TOP2B: variants seen among roughly 807,000 people sequenced by gnomAD.
The protein encoded by TOP2B is DNA topoisomerase 2-beta.
Under a neutral mutation model 193.5 loss-of-function variants are expected in TOP2B, and 51 were observed. The observed-to-expected ratio is 0.26, with a 90% CI of 0.21 to 0.33. The LOEUF is 0.33. Ranked by LOEUF, TOP2B falls within the 10% of genes least tolerant of loss-of-function variation. TOP2B has a pLI of 1.00. For synonymous variants in TOP2B, 634 were observed against 635.7 expected, an observed-to-expected ratio of 1.00 and a Z score of 0.04; for missense variants, 1,378 against 1,909.3, an observed-to-expected ratio of 0.72 and a Z score of 5.19.
At chr3:25,623,891 A>G in intron 20 of TOP2B, 145 bp from the exon 21 acceptor site, 1 of 640,604 alleles carries the variant, frequency 1.6e-6, no homozygotes, top group Non-Finnish European at 2.7e-6. Context: ...CCGCTTAATA[A>G]TAAAATTTGC....
chr3:25,613,327 T>C (rs937005873), intron 27 of TOP2B, among the ~76,000 whole-genome samples: 2 of 152,194 alleles, frequency 1.3e-5, no homozygotes, highest in Admixed American at 6.5e-5. Flanking sequence ...TCTTTAGAGA[T>C]TTTTTTAAAA....
At chr3:25,604,723 T>C in intron 33 of TOP2B, 37 bp downstream of exon 33, 2 of 1,430,178 alleles carry the variant, frequency 1.4e-6, no homozygotes, top group Non-Finnish European at 2.0e-6. Context: ...TAACTATCTC[T>C]ATCCAATGCT....
intron 34 of TOP2B, among the ~76,000 whole-genome samples, chr3:25,600,069 G>C (rs1702050748): frequency 6.6e-6 from 1 of 152,090 alleles, no homozygotes; most frequent in African/African-American, 2.4e-5. Flanking sequence ...CACCATATGA[G>C]AACCACCAGT....
Position 25,664,604 on chromosome 3 carries a change from C to G in TOP2B, c.-307G>C. On this transcript the variant is annotated 5_prime_UTR_variant, in exon 1 of 36. Transcript: ENST00000264331. ...CGGCGGCGTTGCCTTCTCGCCCGCC[C>G]GCGGGCGCCGCTGCAGGCCGGGCTG... The G allele has an allele frequency of 1.0e-6, 1 of 1,001,218 alleles. No homozygotes were observed. Among genetic ancestry groups the G allele is most frequent in the South Asian group, 4.7e-5 (1 of 21,456 alleles). 62.0% of individuals were successfully genotyped at this position (1,001,218 alleles called of 1,614,324 possible). A position where few individuals can be genotyped will look rare whatever the true frequency, so the allele number is the denominator to read the frequency against.
chr3:25,612,676 C>A lies in TOP2B; in HGVS notation c.3625G>T (p.Ala1209Ser), dbSNP rs762502755. 14 of 1,613,508 alleles carry A rather than the reference C, an allele frequency of 8.7e-6. No individual in the cohort carries two copies. The highest frequency in any genetic ancestry group is 1.7e-4 in the Middle Eastern group (1 of 6,056). ...VESQEREDVL[A>S]GMSGKAIKGK... ...TTAATTGCTTTTCCAGACATTCCAG[C>A]CAGAACATCTTCTCGTTCTTGAGAT... Residue 1209 changes from alanine to serine, a missense_variant, in exon 28 of 36, where the codon GCT becomes TCT. Coordinates refer to ENST00000264331, the MANE Select transcript of TOP2B (RefSeq NM_001330700.2).
chr3:25,598,660 T>TTACA (rs1243325638), intron 35 of TOP2B, among the ~76,000 whole-genome samples, 183 bp from the exon 36 acceptor site: 9 of 152,190 alleles, frequency 5.9e-5, no homozygotes, highest in Non-Finnish European at 1.3e-4. Context: ...AGGAAAAAGA[T>TTACA]TACATACAGT....
chr3:25,636,074 T>G lies in TOP2B; in HGVS notation c.714A>C (p.Ile238=), dbSNP rs1703097339. The G allele has an allele frequency of 6.2e-7, 1 of 1,612,686 alleles. No homozygotes were observed. The highest frequency in any genetic ancestry group is 1.3e-5 in the African/African-American group (1 of 74,886). ...ATTTGGACAGATCTGGTTGGAATGT[T>G]ATGCATGTGTAATCTTCACCATCAA... ...KHFDGEDYTC[I]TFQPDLSKFK... is the part of the protein sequence containing the mutation. Residue 238 remains isoleucine, a synonymous_variant, in exon 7 of 36, where the codon ATA becomes ATC. Coordinates refer to ENST00000264331, the MANE Select transcript of TOP2B (RefSeq NM_001330700.2).
intron 4 of TOP2B, among the ~76,000 whole-genome samples, chr3:25,640,760 T>TC (rs887818052): frequency 7.2e-6 from 1 of 139,508 alleles, no homozygotes; most frequent in African/African-American, 3.0e-5. Flanking sequence ...GTCTTTTTTT[T>TC]TTTTTTTTTT....
intron 25 of TOP2B, chr3:25,615,822 A>G (rs1702487630): frequency 3.4e-6 from 1 of 296,496 alleles, no homozygotes; most frequent in East Asian, 5.6e-5. Context: ...ATCCCTATTT[A>G]TCCAGGAATC....
At chr3:25,648,640 T>C (rs1703481910) in intron 1 of TOP2B, among the ~76,000 whole-genome samples, 1 of 152,176 alleles carries the variant, frequency 6.6e-6, no homozygotes, top group Non-Finnish European at 1.5e-5. Context: ...GCAGATCCCT[T>C]GAGCCCAGAG....
In TOP2B at chr3:25,598,363, A is replaced by ATTT; in HGVS notation, c.4822_4824dup (p.Lys1608dup). 1 of 1,613,294 alleles carries ATTT rather than the reference A, an allele frequency of 6.2e-7. No individual in the cohort carries two copies. The highest frequency in any genetic ancestry group is 8.5e-7 in the Non-Finnish European group (1 of 1,179,506). ...TCTTCTTCATCAGACTCTGCAAAATATTTTACTTCTTTCCTAGCCCGACCG... is the reference window on the plus strand; with the variant it reads ...TCTTCTTCATCAGACTCTGCAAAATATTTTTTTACTTCTTTCCTAGCCCGACCG... On this transcript the variant is annotated inframe_insertion, in exon 36 of 36. Transcript: ENST00000264331.
At chr3:25,621,368 T>C (rs1221624452) in intron 21 of TOP2B, among the ~76,000 whole-genome samples, 2 of 152,158 alleles carry the variant, frequency 1.3e-5, no homozygotes, top group Non-Finnish European at 2.9e-5. Flanking sequence ...TTCTAAGTTT[T>C]TATTTGTTTT....
At chr3:25,624,990 T>C in intron 18 of TOP2B, 187 bp from the exon 19 acceptor site, 2 of 550,560 alleles carry the variant, frequency 3.6e-6, no homozygotes, top group Non-Finnish European at 6.4e-6. Context: ...GAAAGCCATC[T>C]GCAGGTATAT....
chr3:25,636,344 C>G (rs1055595474), intron 6 of TOP2B, among the ~76,000 whole-genome samples, 196 bp from the exon 7 acceptor site: 9 of 151,970 alleles, frequency 5.9e-5, no homozygotes, highest in African/African-American at 1.9e-4. Context: ...GCCACAGGTT[C>G]TACATTTGCA....
rs372579874 is a variant in TOP2B at position 25,620,788 on chromosome 3, G to A, written c.2756C>T (p.Thr919Met). Reference protein sequence around the residue: ...MLPNYKNFKGTIQELGQNQYA... With the variant: ...MLPNYKNFKGMIQELGQNQYA... ...CTGGTTTTGACCAAGTTCTTGAATC[G>A]TGCCTTTAAAGTTTTTGTAGTTTGG... The change falls in exon 22 of 36, where the codon ACG becomes ATG. Residue 919 changes from threonine (T) to methionine (M), a missense_variant. Physicochemically the swap from Thr to Met is moderately conservative, Grantham distance 81. Around this residue, in one of 9 missense-constraint regions of TOP2B, gnomAD observed 379 missense variants for 615.1 expected, o/e 0.62. Coordinates refer to ENST00000264331, the MANE Select transcript of TOP2B (RefSeq NM_001330700.2). 3.2e-5 allele frequency: 52 copies of A among 1,613,386 alleles called. No homozygotes were observed. The highest frequency in any genetic ancestry group is 1.4e-4 in the South Asian group (13 of 90,988).
intron 7 of TOP2B, among the ~76,000 whole-genome samples, chr3:25,635,592 G>T (rs1320440901): frequency 2.0e-5 from 3 of 152,038 alleles, no homozygotes; most frequent in East Asian, 1.9e-4. Flanking sequence ...GGCTCTTCAG[G>T]AAACTTGATG....
rs1169938358 is a variant in TOP2B, at chr3:25,598,384, G to A, written c.4804C>T (p.Arg1602Trp). 3.1e-6 allele frequency: 5 copies of A among 1,613,258 alleles called. No individual in the cohort carries two copies. The highest frequency in any genetic ancestry group is 1.7e-5 in the Admixed American group (1 of 59,946). The change falls in exon 36 of 36, where the codon CGG (arginine) becomes TGG (tryptophan). Residue 1602 changes from arginine (R) to tryptophan (W), a missense_variant. By Grantham distance (101) the Arg-to-Trp change is moderately radical. Coordinates refer to ENST00000264331, the MANE Select transcript of TOP2B (RefSeq NM_001330700.2). ...AAATATTTTACTTCTTTCCTAGCCC[G>A]ACCGGTTCGTGGCAGAGAAGGTGGC... ...TEPPSLPRTG[R>W]ARKEVKYFAE...
At position 25,643,752 on chromosome 3, in the gene TOP2B, C is replaced by T. The variant is rs1466888766; in HGVS notation, c.273G>A (p.Met91Ile). 1 of 1,613,330 alleles carries T rather than the reference C, an allele frequency of 6.2e-7. No homozygotes were observed. The highest frequency in any genetic ancestry group is 8.5e-7 in the Non-Finnish European group (1 of 1,179,626). Residue 91 changes from methionine (M) to isoleucine (I), a missense_variant, in exon 3 of 36, where the codon ATG becomes ATA. Physicochemically the swap from Met to Ile is conservative, Grantham distance 10. Transcript: ENST00000264331. The stretch of plus-strand genomic sequence containing the variant: ...GCACAAAGGTAACCTCCCTGCAATT[C>T]ATTCCTACATCTTCATCATACACCC... Reference protein sequence around the residue: ...FMWVYDEDVGMNCREVTFVPG... With the variant: ...FMWVYDEDVGINCREVTFVPG...
intron 1 of TOP2B, among the ~76,000 whole-genome samples, chr3:25,657,393 G>C (rs566477027): frequency 2.6e-5 from 4 of 152,036 alleles, no homozygotes; most frequent in Non-Finnish European, 5.9e-5. Flanking sequence ...AACCTATTCT[G>C]CACCTTCTCC....
Sources: allele counts gnomAD v4.1 joint callset (sites outside exome capture counted in the v4.1 genomes callset), GRCh38; gene constraint gnomAD v4.1.1; regional missense constraint gnomAD v4.1.1; transcripts MANE v1.5; gene names NCBI Gene and HGNC (gene_info 2026-07-23, HGNC 2026-07-21).